The following ADK variants were observed in gnomAD, a reference collection of about 807,000 sequenced individuals.
ADK encodes the protein N6,N6-dimethyladenosine kinase.
ADK carries 24 observed loss-of-function variants against 44.7 expected under a neutral mutation model. The observed-to-expected ratio is 0.54, with a 90% confidence interval of 0.39 to 0.76. The LOEUF is 0.76. ADK is among the 30% of genes least tolerant of loss of function. The pLI, the probability that ADK is intolerant of heterozygous loss-of-function variation, is 0.00. For missense variants in ADK, 321 were observed against 425.1 expected (o/e 0.76, Z 2.15); for synonymous variants, 128 against 142.6 (o/e 0.90, Z 0.73).
rs905383797 is a variant in ADK at position 74,700,629 on chromosome 10, AAAAAG to A, written c.965-7682_965-7678del. Among the ~76,000 whole-genome samples the A allele has an allele frequency of 2.6e-5, 4 of 152,200 alleles. No individual in the cohort carries two copies. In the South Asian group the frequency reaches 8.3e-4, roughly 32 times the overall value. On this transcript the variant is annotated intron_variant, in intron 10 of 10. Transcript: ENST00000539909. ...CCTCCTTTTGTGTTAAAACAAAAAA[AAAAAG>A]AAAAGAAAAAGAAAGAAAAGGAAGA...
At position 74,234,655 on chromosome 10, in the gene ADK, T is replaced by C. The variant is rs551070762; in HGVS notation, c.194+10064T>C. Among the ~76,000 whole-genome samples, 7 of 152,306 alleles carry C rather than the reference T, an allele frequency of 4.6e-5. No homozygotes were observed. In the South Asian group the frequency reaches 1.0e-3, roughly 23 times the overall value. On this transcript the variant is annotated intron_variant, in intron 3 of 10. Transcript: ENST00000539909. ...TTGGCTAATTGTTAAGGTAAAACTTTAGAGGATAAAGTGAGCTCATATTGA... is the reference window on the plus strand; with the variant it reads ...TTGGCTAATTGTTAAGGTAAAACTTCAGAGGATAAAGTGAGCTCATATTGA...
intron 9 of ADK, among the ~76,000 whole-genome samples, chr10:74,634,985 G>A (rs1853576316): frequency 6.6e-6 from 1 of 152,072 alleles, no homozygotes; most frequent in African/African-American, 2.4e-5. Context: ...GAGCTTCCTT[G>A]ACCTTTAGGA....
At chr10:74,176,827 G>A in intron 1 of ADK, 1 of 1,604,924 alleles carries the variant, frequency 6.2e-7, no homozygotes, top group East Asian at 2.2e-5. Context: ...AGCGGACGTA[G>A]AGCATCGGAC....
intron 4 of ADK, among the ~76,000 whole-genome samples, chr10:74,392,906 A>C (rs1719214669): frequency 6.6e-6 from 1 of 152,006 alleles, no homozygotes; most frequent in Non-Finnish European, 1.5e-5. Flanking sequence ...GGGATTTTTG[A>C]ATGGCTGTGT....
At chr10:74,617,383 TAA>T (rs1431907146) in intron 9 of ADK, among the ~76,000 whole-genome samples, 4 of 152,228 alleles carry the variant, frequency 2.6e-5, no homozygotes, top group African/African-American at 7.2e-5. Context: ...GTTTTGTTCT[TAA>T]GAGATTTTTT....
At chr10:74,618,413 C>T (rs371539253) in intron 9 of ADK, among the ~76,000 whole-genome samples, 1 of 152,142 alleles carries the variant, frequency 6.6e-6, no homozygotes, top group South Asian at 2.1e-4. Context: ...GCCTCAGCCT[C>T]CTGAGTAGCT....
chr10:74,456,004 A>G (rs1845931713), intron 6 of ADK, among the ~76,000 whole-genome samples: 1 of 152,080 alleles, frequency 6.6e-6, no homozygotes, highest in Non-Finnish European at 1.5e-5. Context: ...CTCGATATGT[A>G]TGCACCCAAT....
At chr10:74,420,338 G>A (rs758985383) in intron 6 of ADK, among the ~76,000 whole-genome samples, 24 of 152,088 alleles carry the variant, frequency 1.6e-4, no homozygotes, top group Non-Finnish European at 3.2e-4. Context: ...TACTTGAAGA[G>A]CTATCCTTGA....
chr10:74,360,095 C>G (rs771303731), intron 4 of ADK, among the ~76,000 whole-genome samples: 7 of 152,002 alleles, frequency 4.6e-5, no homozygotes, highest in Non-Finnish European at 1.0e-4. Flanking sequence ...GTTCCATGTA[C>G]CGATGAGAAG....
chr10:74,677,798 C>A (rs890561165), intron 10 of ADK, among the ~76,000 whole-genome samples: 17 of 151,532 alleles, frequency 1.1e-4, no homozygotes, highest in Non-Finnish European at 2.4e-4. Flanking sequence ...TTTCTTAAAA[C>A]CATCAAATGA....
chr10:74,680,694 G>A (rs1170970948), intron 10 of ADK, among the ~76,000 whole-genome samples: 1 of 152,100 alleles, frequency 6.6e-6, no homozygotes, highest in Non-Finnish European at 1.5e-5. Context: ...CAAACTATAC[G>A]ATAATTTACA....
rs564830184 is a variant in ADK, at chr10:74,362,105, T to G, written c.274-32036T>G. ...CTTAGTCTACCTGAATATTTATATC[T>G]TTTTTCAGGTATGGAAAGTTTTCTG... On this transcript the variant is annotated intron_variant, in intron 4 of 10. Transcript: ENST00000539909. 3.7e-4 allele frequency among the ~76,000 whole-genome samples: 56 copies of G among 152,188 alleles called. 1 individual carries two copies. The highest frequency in any genetic ancestry group is 1.6e-4 in the Non-Finnish European group (11 of 68,024).
chr10:74,451,679 G>A (rs752224284), intron 6 of ADK, among the ~76,000 whole-genome samples: 6 of 152,072 alleles, frequency 3.9e-5, no homozygotes, highest in African/African-American at 7.2e-5. Context: ...GACTATTTGA[G>A]TATTTCATTC....
At chr10:74,218,133 C>T (rs7898976) in intron 2 of ADK, among the ~76,000 whole-genome samples, 26,637 of 151,902 alleles carry the variant, frequency 0.18, 2,770 homozygotes, top group African/African-American at 0.29. Context: ...AAAATTTAAA[C>T]GAATGTATAA....
chr10:74,703,248 G>C (rs555175919), intron 10 of ADK, among the ~76,000 whole-genome samples: 2 of 152,280 alleles, frequency 1.3e-5, no homozygotes, highest in East Asian at 3.9e-4. Context: ...TTAGGAGGCT[G>C]AGGCGGGTGG....
intron 3 of ADK, among the ~76,000 whole-genome samples, chr10:74,273,953 T>C (rs896980310): frequency 7.2e-5 from 11 of 152,208 alleles, no homozygotes; most frequent in African/African-American, 2.7e-4. Flanking sequence ...GTGGCTTCCA[T>C]TATCTTCTTT....
chr10:74,493,863 T>G (rs1202819967), intron 6 of ADK, among the ~76,000 whole-genome samples: 1 of 152,150 alleles, frequency 6.6e-6, no homozygotes, highest in Non-Finnish European at 1.5e-5. Context: ...TGAGATGATG[T>G]AACAGCCATC....
chr10:74,305,306 G>A (rs145079107), intron 3 of ADK, among the ~76,000 whole-genome samples: 1,695 of 152,254 alleles, frequency 0.011, 17 homozygotes, highest in Non-Finnish European at 0.017. Context: ...AGCCAGGTCC[G>A]TCTGACAGAG....
intron 2 of ADK, among the ~76,000 whole-genome samples, chr10:74,219,693 C>G (rs1209416257): frequency 1.3e-5 from 2 of 151,266 alleles, no homozygotes; most frequent in African/African-American, 4.9e-5. Context: ...TGCAATCAAA[C>G]TAGAACTCAG....
Sources: gnomAD v4.1 joint callset for allele counts (sites outside exome capture counted in the v4.1 genomes callset) on GRCh38, gnomAD v4.1.1 for gene constraint, MANE v1.5 for transcripts, NCBI Gene and HGNC (gene_info 2026-07-23, HGNC 2026-07-21) for gene names.